Variants in ACADL observed in about 807,000 individuals in gnomAD.
ACADL encodes the protein acyl-CoA dehydrogenase long chain.
A neutral mutation model predicts 56.9 loss-of-function variants in ACADL; 60 were observed. The observed-to-expected ratio is 1.05, with a 90% CI of 0.86 to 1.31. The LOEUF (loss-of-function observed/expected upper bound fraction) is 1.31, where lower values mean the gene tolerates loss of function less well. Ranked by LOEUF, ACADL falls within the 50% of genes most tolerant of loss-of-function variation. The pLI is 0.00. For missense variants in ACADL, 484 were observed against 525.5 expected (o/e 0.92, Z 0.77); for synonymous variants, 158 against 179.7 (o/e 0.88, Z 0.97).
intron 9 of ACADL, among the ~76,000 whole-genome samples, chr2:210,194,999 T>C (rs1688684656): frequency 6.6e-6 from 1 of 152,210 alleles, no homozygotes; most frequent in African/African-American, 2.4e-5. Context: ...CCTATTAGGA[T>C]AAAAAAATTA....
intron 8 of ACADL, among the ~76,000 whole-genome samples, chr2:210,198,035 A>C (rs1688737060): frequency 6.6e-6 from 1 of 152,224 alleles, no homozygotes; most frequent in South Asian, 2.1e-4. Flanking sequence ...ATCAAAGGCA[A>C]CTAAAAATTA....
rs768157044 is a variant in ACADL at position 210,204,691 on chromosome 2, C to T, written c.769-9G>A. ...AATAGTTCTGCGGTATCCTAAGAGA[C>T]CATACAAAAAATGTAGAGAATGGTC... On this transcript the variant is annotated splice_polypyrimidine_tract_variant and intron_variant, in intron 6 of 10. Transcript: ENST00000233710. The T allele has an allele frequency of 6.4e-7, 1 of 1,570,762 alleles. No homozygotes were observed. Among genetic ancestry groups the T allele is most frequent in the Non-Finnish European group, 8.8e-7 (1 of 1,140,948 alleles).
intron 4 of ACADL, among the ~76,000 whole-genome samples, chr2:210,214,059 A>G (rs1225594994): frequency 1.3e-5 from 2 of 152,080 alleles, no homozygotes; most frequent in Non-Finnish European, 2.9e-5. Flanking sequence ...GCATTTATAA[A>G]ATGCTAAAGT....
At position 210,188,746 on chromosome 2, in the gene ACADL, C is replaced by T; in HGVS notation, c.*215G>A. On this transcript the variant is annotated 3_prime_UTR_variant, in exon 11 of 11. Coordinates refer to ENST00000233710, the MANE Select transcript of ACADL (RefSeq NM_001608.4). ...CGTTTACCTTTGGCTACATAAAAAA[C>T]TGTAAGTTAAACCTTATATTGGAAA... 1 of 472,576 alleles carries T rather than the reference C, an allele frequency of 2.1e-6. No homozygotes were observed. Among genetic ancestry groups the T allele is most frequent in the Non-Finnish European group, 3.8e-6 (1 of 263,614 alleles). 29.3% of individuals were successfully genotyped at this position (472,576 alleles called of 1,614,324 possible).
At chr2:210,194,329 T>C (rs1448367997) in intron 9 of ACADL, among the ~76,000 whole-genome samples, 1 of 152,154 alleles carries the variant, frequency 6.6e-6, no homozygotes, top group Non-Finnish European at 1.5e-5. Context: ...CACAAAATAT[T>C]TCCCCTGTTC....
chr2:210,195,855 T>C (rs1272729010), intron 8 of ACADL, among the ~76,000 whole-genome samples: 1 of 152,200 alleles, frequency 6.6e-6, no homozygotes, highest in Non-Finnish European at 1.5e-5. Flanking sequence ...TATTTAATAT[T>C]GCACAGTATT....
Position 210,218,101 on chromosome 2 carries a change from A to AT in ACADL, c.234dup (p.Trp79MetfsTer9), listed in dbSNP as rs1364755444. 6.2e-7 allele frequency: 1 copy of AT among 1,613,090 alleles called. No homozygotes were observed. The highest frequency in any genetic ancestry group is 1.3e-5 in the African/African-American group (1 of 74,844). On this transcript the variant is annotated frameshift_variant and splice_region_variant, in exon 3 of 11. Transcript: ENST00000233710. LOFTEE classifies it high-confidence loss of function. ...CTACTTACTTCTCCAGCTTTCTCCC[A>AT]TCTGCAAATAACAAATATTTTAAAT...
At chr2:210,206,170 G>A (rs1688885294) in intron 5 of ACADL, among the ~76,000 whole-genome samples, 1 of 152,092 alleles carries the variant, frequency 6.6e-6, no homozygotes, top group Non-Finnish European at 1.5e-5. Flanking sequence ...GGGCCCGGTG[G>A]CTCACACCTG....
intron 10 of ACADL, among the ~76,000 whole-genome samples, chr2:210,190,473 C>T (rs1688613943): frequency 6.6e-6 from 1 of 152,038 alleles, no homozygotes; most frequent in South Asian, 2.1e-4. Flanking sequence ...GATTAGTAGA[C>T]CTTTTATATG....
chr2:210,212,170 C>T (rs1688993543), intron 4 of ACADL, among the ~76,000 whole-genome samples: 1 of 150,942 alleles, frequency 6.6e-6, no homozygotes, highest in Non-Finnish European at 1.5e-5. Flanking sequence ...CTGTATTAGG[C>T]TGAATAATGA....
At chr2:210,219,985 A>G (rs536225354) in intron 2 of ACADL, among the ~76,000 whole-genome samples, 46 of 152,200 alleles carry the variant, frequency 3.0e-4, no homozygotes, top group African/African-American at 1.1e-3. Context: ...ATGTTCCTGA[A>G]CCATTTCTCT....
At position 210,205,830 on chromosome 2, in the gene ACADL, T is replaced by C. The variant is rs200182251; in HGVS notation, c.604-34A>G. 3.9e-4 allele frequency: 625 copies of C among 1,610,606 alleles called. 2 individuals carry two copies. Among genetic ancestry groups the C allele is most frequent in the Non-Finnish European group, 5.0e-4 (592 of 1,176,904 alleles). On this transcript the variant is annotated intron_variant, in intron 5 of 10. Coordinates refer to ENST00000233710, the MANE Select transcript of ACADL (RefSeq NM_001608.4). Reference sequence around the variant, plus strand: ...CCCCAAGTACATTATTAATGCACCATGATAATTCAATTCTATGTGCAAGTT... The same window carrying C: ...CCCCAAGTACATTATTAATGCACCACGATAATTCAATTCTATGTGCAAGTT...
rs1251690553 is a variant in ACADL, at chr2:210,188,808, G to C, written c.*153C>G. ...GGCTTCAAAGATTTGTCCTTCCACT[G>C]TGTTAATCTTATATTTATATTTTAT... On this transcript the variant is annotated 3_prime_UTR_variant, in exon 11 of 11. Coordinates refer to ENST00000233710, the MANE Select transcript of ACADL (RefSeq NM_001608.4). 2 of 648,000 alleles carry C rather than the reference G, an allele frequency of 3.1e-6. No individual in the cohort carries two copies. 40.1% of individuals were successfully genotyped at this position (648,000 alleles called of 1,614,324 possible).
chr2:210,224,071 A>C (rs1372964057), intron 1 of ACADL, among the ~76,000 whole-genome samples: 2 of 151,968 alleles, frequency 1.3e-5, no homozygotes, highest in African/African-American at 4.8e-5. Context: ...TACTAAAAAG[A>C]TCAGCCGGGT....
intron 2 of ACADL, among the ~76,000 whole-genome samples, chr2:210,219,167 T>C (rs1198689379): frequency 6.6e-6 from 1 of 152,260 alleles, no homozygotes; most frequent in Non-Finnish European, 1.5e-5. Flanking sequence ...TTTTTATTAT[T>C]GACTTAAAAT....
At chr2:210,191,763 G>A (rs1056999418) in intron 10 of ACADL, among the ~76,000 whole-genome samples, 2 of 151,980 alleles carry the variant, frequency 1.3e-5, no homozygotes, top group African/African-American at 4.8e-5. Flanking sequence ...CTCAGATTCA[G>A]AACAAACTGA....
Position 210,210,196 on chromosome 2 carries a change from C to A in ACADL, c.603G>T (p.Lys201Asn), listed in dbSNP as rs1166760587. 1 of 1,611,132 alleles carries A rather than the reference C, an allele frequency of 6.2e-7. No homozygotes were observed. Among genetic ancestry groups the A allele is most frequent in the Non-Finnish European group, 8.5e-7 (1 of 1,177,550 alleles). ...DGSDWILNGS[K>N]VFISNGSLSD... ...GCTATAGAAGTCCTTTTTTACACAC[C>A]TTGCTTCCATTGAGAATCCAGTCAC... The change falls in exon 5 of 11, where the codon AAG becomes AAT. Residue 201 changes from lysine to asparagine, a missense_variant and splice_region_variant. By Grantham distance (94) the Lys-to-Asn change is moderately conservative (BLOSUM62 0). Coordinates refer to ENST00000233710, the MANE Select transcript of ACADL (RefSeq NM_001608.4).
chr2:210,223,333 T>C (rs1689207863), intron 1 of ACADL, among the ~76,000 whole-genome samples: 1 of 152,216 alleles, frequency 6.6e-6, no homozygotes, highest in Non-Finnish European at 1.5e-5. Flanking sequence ...CAACTAATCT[T>C]ATTGGCTAGG....
At chr2:210,214,247 C>T (rs73065830) in intron 4 of ACADL, among the ~76,000 whole-genome samples, 3,108 of 151,964 alleles carry the variant, frequency 0.02, 87 homozygotes, top group African/African-American at 0.07. Flanking sequence ...GCAAAATGAA[C>T]CATATTCCAT....
Sources: gnomAD v4.1 joint callset for allele counts (sites outside exome capture counted in the v4.1 genomes callset) on GRCh38, gnomAD v4.1.1 for gene constraint, MANE v1.5 for transcripts, NCBI Gene and HGNC (gene_info 2026-07-23, HGNC 2026-07-21) for gene names.